Variants in CACNA1B observed in about 807,000 individuals in gnomAD.
The protein encoded by CACNA1B is calcium voltage-gated channel subunit alpha1 B.
In CACNA1B, 70 loss-of-function variants were observed where a neutral mutation model predicts 247.2. The ratio of observed to expected loss-of-function variants is 0.28; its 90% CI spans 0.23 to 0.35. The LOEUF (loss-of-function observed/expected upper bound fraction) is 0.35. Ranked by LOEUF, CACNA1B falls within the 10% of genes least tolerant of loss-of-function variation. The pLI is 1.00. For synonymous variants in CACNA1B, 1,231 were observed against 1,294.4 expected, an observed-to-expected ratio of 0.95 and a Z score of 1.05; for missense variants, 2,367 against 3,197.4, an observed-to-expected ratio of 0.74 and a Z score of 6.26.
At position 137,950,069 on chromosome 9, in the gene CACNA1B, G is replaced by A. The variant is rs1589027692; in HGVS notation, c.967-2205G>A. On this transcript the variant is annotated intron_variant, in intron 6 of 46. Transcript: ENST00000371372. The surrounding 1 kb of genome is among the most constrained non-coding windows in gnomAD (Gnocchi z 4.8). ...CATTCTGCGTTGGCTGTCAGGGAAG[G>A]AGGAGGGCTGCTGTCTTGTTGCCGG... is the stretch of plus-strand genomic sequence containing the variant. Among the ~76,000 whole-genome samples the A allele has an allele frequency of 6.6e-6, 1 of 152,346 alleles. No homozygotes were observed. The highest frequency in any genetic ancestry group is 1.9e-4 in the East Asian group (1 of 5,186).
intron 21 of CACNA1B, among the ~76,000 whole-genome samples, chr9:138,045,447 G>C (rs7848769): frequency 0.16 from 23,860 of 152,146 alleles, 5,338 homozygotes; most frequent in African/African-American, 0.5. Context: ...GGTGCGTATG[G>C]AGGAATTTTA....
At chr9:137,907,983 C>T (rs529521435) in intron 3 of CACNA1B, among the ~76,000 whole-genome samples, 168 of 152,362 alleles carry the variant, frequency 1.1e-3, no homozygotes, top group African/African-American at 3.8e-3. Flanking sequence ...GTCAAACACC[C>T]GGTTTCATAC....
At chr9:138,071,184 T>G (rs138825505) in intron 32 of CACNA1B, among the ~76,000 whole-genome samples, 1 of 152,360 alleles carries the variant, frequency 6.6e-6, no homozygotes, top group East Asian at 1.9e-4. Flanking sequence ...ATGAGAAAGC[T>G]GAGGATTGAA....
In CACNA1B at chr9:137,955,666, C is replaced by G. The variant is rs755071044; in HGVS notation, c.1071-32C>G. ...GCACACCTGTGGGGCTTGCACTCAC[C>G]TGATCTTGCTTTTCCGGCCCCTGCA... On this transcript the variant is annotated intron_variant, in intron 7 of 46. Transcript: ENST00000371372. The surrounding 1 kb of genome is among the most constrained non-coding windows in gnomAD (Gnocchi z 6.9). 8.9e-6 allele frequency: 13 copies of G among 1,466,014 alleles called. No individual in the cohort carries two copies. Among genetic ancestry groups the G allele is most frequent in the Non-Finnish European group, 1.2e-5 (13 of 1,053,672 alleles). 90.8% of individuals were successfully genotyped at this position (1,466,014 alleles called of 1,614,324 possible). A position where few individuals can be genotyped will look rare whatever the true frequency, so the allele number is the denominator to read the frequency against.
chr9:138,040,818 C>T (rs1959110633), intron 20 of CACNA1B: 2 of 168,998 alleles, frequency 1.2e-5, no homozygotes, highest in African/African-American at 2.4e-5. Context: ...TGCTCACAGA[C>T]ACACCCAGCA....
chr9:138,049,277 C>T lies in CACNA1B; in HGVS notation c.3672C>T (p.Phe1224=). ...YFRDLWNILD[F]IVVSGALVAF... is the part of the protein sequence containing the mutation. ...GGGACTTGTGGAACATTCTGGACTT[C>T]ATTGTGGTCAGTGGCGCCCTGGTGG... Residue 1224 remains phenylalanine (F), a synonymous_variant, in exon 24 of 47, where the codon TTC becomes TTT. Transcript: ENST00000371372. 6.2e-7 allele frequency: 1 copy of T among 1,613,602 alleles called. No homozygotes were observed. The highest frequency in any genetic ancestry group is 1.1e-5 in the South Asian group (1 of 91,080).
At chr9:138,103,976 A>G (rs2076560611) in intron 38 of CACNA1B, among the ~76,000 whole-genome samples, 1 of 152,178 alleles carries the variant, frequency 6.6e-6, no homozygotes, top group African/African-American at 2.4e-5. Context: ...GCAAGGCTGT[A>G]GCTTTGTCCC....
chr9:138,043,632 CTG>C, intron 20 of CACNA1B, 140 bp from the exon 21 acceptor site: 1 of 830,668 alleles, frequency 1.2e-6, no homozygotes, highest in Non-Finnish European at 1.9e-6. Flanking sequence ...ACGTGAAGCA[CTG>C]TTCTTAGCTG....
At chr9:137,999,119 G>A (rs1002796180) in intron 15 of CACNA1B, among the ~76,000 whole-genome samples, 2 of 152,130 alleles carry the variant, frequency 1.3e-5, no homozygotes, top group African/African-American at 2.4e-5. Context: ...CCAGCCTGGC[G>A]TGGTGAAACC....
chr9:137,986,292 C>A lies in CACNA1B; in HGVS notation c.1770-121C>A. 2 of 1,085,060 alleles carry A rather than the reference C, an allele frequency of 1.8e-6. No individual in the cohort carries two copies. The highest frequency in any genetic ancestry group is 1.3e-6 in the Non-Finnish European group (1 of 754,942). 67.2% of individuals were successfully genotyped at this position (1,085,060 alleles called of 1,614,324 possible). On this transcript the variant is annotated intron_variant, in intron 13 of 46. Coordinates refer to ENST00000371372, the MANE Select transcript of CACNA1B (RefSeq NM_000718.4). This position sits in a 1 kb window ranked among gnomAD's most constrained non-coding sequence, Gnocchi z 6.0. ...ACTCCAGAGAAAAGCTCTAACTTCA[C>A]ACCTAGGTGTGCAGCCCTCAGGGTT...
At chr9:138,114,523 T>C (rs1309078426) in intron 41 of CACNA1B, 33 bp downstream of exon 41, 2 of 1,118,782 alleles carry the variant, frequency 1.8e-6, no homozygotes, top group African/African-American at 3.1e-5. Context: ...CCAGGAAAAC[T>C]GTGATGCCTC....
At chr9:138,055,798 G>C (rs775755918) in intron 26 of CACNA1B, among the ~76,000 whole-genome samples, 1 of 152,154 alleles carries the variant, frequency 6.6e-6, no homozygotes, top group Non-Finnish European at 1.5e-5. Flanking sequence ...AGGCTGAGGT[G>C]GGTGGATCAT....
chr9:137,997,764 C>A (rs1316090523), intron 15 of CACNA1B, among the ~76,000 whole-genome samples: 1 of 152,198 alleles, frequency 6.6e-6, no homozygotes, highest in African/African-American at 2.4e-5. Flanking sequence ...TATATCCCAT[C>A]CACTGGAATT....
rs2133338586 is a variant in CACNA1B at position 137,952,804 on chromosome 9, T to G, written c.1070+427T>G. ...TGGTCTGTGATGGGAAGTGTGGTCT[T>G]GGTAGATGGAGGTGTGGTCTGGGAC... On this transcript the variant is annotated intron_variant, in intron 7 of 46. Coordinates refer to ENST00000371372, the MANE Select transcript of CACNA1B (RefSeq NM_000718.4). The surrounding 1 kb of genome is among the most constrained non-coding windows in gnomAD (Gnocchi z 4.8). Among the ~76,000 whole-genome samples, 1 of 150,994 alleles carries G rather than the reference T, an allele frequency of 6.6e-6. No homozygotes were observed. The highest frequency in any genetic ancestry group is 2.1e-4 in the South Asian group (1 of 4,738).
At position 137,891,696 on chromosome 9, in the gene CACNA1B, T is replaced by A. The variant is rs1564876348; in HGVS notation, c.530+8813T>A. On this transcript the variant is annotated intron_variant, in intron 3 of 46. Coordinates refer to ENST00000371372, the MANE Select transcript of CACNA1B (RefSeq NM_000718.4). This position sits in a 1 kb window ranked among gnomAD's most constrained non-coding sequence, Gnocchi z 4.3. ...GAGGTGAGGATGGTTGCTAATGGCT[T>A]CTCGGGCCCTGGACTAGAAGAGGTG... 1 of 248,756 alleles carries A rather than the reference T, an allele frequency of 4.0e-6. No homozygotes were observed. Among genetic ancestry groups the A allele is most frequent in the East Asian group, 1.2e-4 (1 of 8,424 alleles). The allele number at this position is 248,756 out of a possible 1,614,324, so 15.4% of individuals were successfully genotyped here.
chr9:137,998,756 G>C (rs1355539982), intron 15 of CACNA1B, among the ~76,000 whole-genome samples: 1 of 152,158 alleles, frequency 6.6e-6, no homozygotes, highest in African/African-American at 2.4e-5. Context: ...CCTGGCCTCA[G>C]AACATTGACC....
chr9:138,104,803 C>T (rs907996371), intron 38 of CACNA1B, among the ~76,000 whole-genome samples: 14 of 152,256 alleles, frequency 9.2e-5, no homozygotes, highest in East Asian at 1.9e-4. Flanking sequence ...TTGCTCCCCA[C>T]GCTCAAAATA....
intron 42 of CACNA1B, among the ~76,000 whole-genome samples, chr9:138,116,787 C>T (rs1445677443): frequency 6.6e-6 from 1 of 152,216 alleles, no homozygotes; most frequent in Non-Finnish European, 1.5e-5. Context: ...TAGGAGCCAG[C>T]TCCGGTTCTC....
rs1192482546 is a variant in CACNA1B at position 138,102,656 on chromosome 9, G to A, written c.5223-55G>A. 25 of 758,306 alleles carry A rather than the reference G, an allele frequency of 3.3e-5. No individual in the cohort carries two copies. The highest frequency in any genetic ancestry group is 4.9e-5 in the Non-Finnish European group (24 of 486,552). 47.0% of individuals were successfully genotyped at this position (758,306 alleles called of 1,614,324 possible). A position where few individuals can be genotyped will look rare whatever the true frequency, so the allele number is the denominator to read the frequency against. On this transcript the variant is annotated intron_variant, in intron 37 of 46. Coordinates refer to ENST00000371372, the MANE Select transcript of CACNA1B (RefSeq NM_000718.4). This position sits in a 1 kb window ranked among gnomAD's most constrained non-coding sequence, Gnocchi z 5.4. Reference sequence around the variant, plus strand: ...CCCTCCCCGCTCCCCTCCTGCTGCCGCTCCTCCTGTGGACCACCCCACTGT... The same window carrying A: ...CCCTCCCCGCTCCCCTCCTGCTGCCACTCCTCCTGTGGACCACCCCACTGT...
Sources: allele counts gnomAD v4.1 joint callset (sites outside exome capture counted in the v4.1 genomes callset), GRCh38; gene constraint gnomAD v4.1.1; non-coding constraint Gnocchi (gnomAD v3.1); transcripts MANE v1.5; gene names NCBI Gene and HGNC (gene_info 2026-07-23, HGNC 2026-07-21).